The following DICER1 variants were observed in gnomAD, a reference collection of about 807,000 sequenced individuals.
DICER1 encodes the protein endoribonuclease Dicer.
A neutral mutation model predicts 194.1 loss-of-function variants in DICER1; 43 were observed. That is an observed-to-expected ratio of 0.22 (90% CI 0.17 to 0.29). The LOEUF (loss-of-function observed/expected upper bound fraction) is 0.29. Among genes scored for constraint, DICER1 ranks in the 10% least tolerant of loss-of-function variants. The probability of loss-of-function intolerance (pLI) is 1.00; values close to 1 mark genes in which losing one functional copy is unlikely to be tolerated. For synonymous variants in DICER1, 832 were observed against 820.5 expected (o/e 1.01, Z -0.24); for missense variants, 1,608 against 2,317.0 (o/e 0.69, Z 6.28).
chr14:95,103,829 A>C lies in DICER1; in HGVS notation c.3567T>G (p.Tyr1189Ter). Residue 1189 changes from tyrosine to a stop codon, truncating the protein, a stop_gained, in exon 21 of 27, where the codon TAT becomes TAG. Coordinates refer to ENST00000343455, the MANE Select transcript of DICER1 (RefSeq NM_177438.3). LOFTEE classifies it high-confidence loss of function. The part of the protein sequence containing the change: ...SYNQNLANGS[Y>*]DLANRDFCQG... The stretch of plus-strand genomic sequence containing the variant: ...GGCAAAAGTCTCTGTTAGCTAAATC[A>C]TAACTGCCATTGGCGAGATTTTGAT... 1 of 1,614,226 alleles carries C rather than the reference A, an allele frequency of 6.2e-7. No homozygotes were observed.
rs754431682 is a variant in DICER1 at position 95,099,760 on chromosome 14, AC to A, written c.4206+19del. ...CACACACACACACACACACACACAC[AC>A]ACACACACACAAACTTACCATTTCA... On this transcript the variant is annotated intron_variant, in intron 22 of 26. Transcript: ENST00000343455. 4.6e-3 allele frequency: 7,352 copies of A among 1,584,618 alleles called. 106 individuals carry two copies. Among genetic ancestry groups the A allele is most frequent in the African/African-American group, 0.046 (3,258 of 70,766 alleles).
chr14:95,115,089 C>T lies in DICER1; in HGVS notation c.1907+578G>A, dbSNP rs145126432. Among the ~76,000 whole-genome samples, 5 of 152,054 alleles carry T rather than the reference C, an allele frequency of 3.3e-5. No individual in the cohort carries two copies. The East Asian group carries it at 5.8e-4, about 18-fold the overall frequency. ...TTGGTGTCTGGGTGAAAGGCATATGCGGAATTCTAGTATTCTTACAACACT... is the reference window on the plus strand; with the variant it reads ...TTGGTGTCTGGGTGAAAGGCATATGTGGAATTCTAGTATTCTTACAACACT... On this transcript the variant is annotated intron_variant, in intron 11 of 26. Transcript: ENST00000343455.
Position 95,088,665 on chromosome 14 carries a change from A to T in DICER1, c.*1833T>A, listed in dbSNP as rs1889530368. On this transcript the variant is annotated 3_prime_UTR_variant, in exon 27 of 27. Transcript: ENST00000343455. ...CTCAAAAACTCGTTTAATAATTTAG[A>T]TCTCAATTTAAGTTTAAGATTGGAG... The T allele has an allele frequency of 1.3e-5, 3 of 232,660 alleles. No homozygotes were observed. The South Asian group carries it at 5.4e-4, about 42-fold the overall frequency. The allele number at this position is 232,660 out of a possible 1,614,324, so 14.4% of individuals were successfully genotyped here. A position where few individuals can be genotyped will look rare whatever the true frequency, so the allele number is the denominator to read the frequency against.
At chr14:95,155,247 G>C (rs552626124) in intron 1 of DICER1, among the ~76,000 whole-genome samples, 73 of 152,204 alleles carry the variant, frequency 4.8e-4, no homozygotes, top group African/African-American at 1.7e-3. Flanking sequence ...TCAATAACAC[G>C]TTTCCCTTAT....
At chr14:95,123,724 T>A (rs1206070274) in intron 8 of DICER1, among the ~76,000 whole-genome samples, 1 of 152,102 alleles carries the variant, frequency 6.6e-6, no homozygotes, top group African/African-American at 2.4e-5. Context: ...AAAAGTTGAA[T>A]CCATATTTTT....
At chr14:95,153,443 T>C (rs1365445899) in intron 1 of DICER1, among the ~76,000 whole-genome samples, 1 of 152,258 alleles carries the variant, frequency 6.6e-6, no homozygotes, top group Non-Finnish European at 1.5e-5. Context: ...GAGGCTTTTA[T>C]CCAGTTTCTC....
chr14:95,106,331 T>C, intron 17 of DICER1, 108 bp from the exon 18 acceptor site: 1 of 863,868 alleles, frequency 1.2e-6, no homozygotes, highest in Non-Finnish European at 1.9e-6. Context: ...ATTCAAAAGA[T>C]TAAAAATAAG....
Position 95,086,233 on chromosome 14 carries a change from A to G in DICER1, c.*4265T>C, listed in dbSNP as rs185087846. ...AAAGATGAAAGGACACAAAGTGAAC[A>G]GACGATAACTTTATTGGAGATTTAC... On this transcript the variant is annotated 3_prime_UTR_variant, in exon 27 of 27. Coordinates refer to ENST00000343455, the MANE Select transcript of DICER1 (RefSeq NM_177438.3). 1 of 232,092 alleles carries G rather than the reference A, an allele frequency of 4.3e-6. No homozygotes were observed. The highest frequency in any genetic ancestry group is 2.2e-5 in the African/African-American group (1 of 45,414). 14.4% of individuals were successfully genotyped at this position (232,092 alleles called of 1,614,324 possible). A position where few individuals can be genotyped will look rare whatever the true frequency, so the allele number is the denominator to read the frequency against.
chr14:95,156,555 C>T (rs543493323), intron 1 of DICER1, among the ~76,000 whole-genome samples: 1 of 152,242 alleles, frequency 6.6e-6, no homozygotes, highest in Non-Finnish European at 1.5e-5. Flanking sequence ...CTACAGAAAT[C>T]TGATGTGCTA....
rs1060504968 is a variant in DICER1 at position 95,104,000 on chromosome 14, A to G, written c.3396T>C (p.Ala1132=). 6.2e-7 allele frequency: 1 copy of G among 1,614,218 alleles called. No homozygotes were observed. The change falls in exon 21 of 27, where the codon GCT becomes GCC. Residue 1132 remains alanine (A), a synonymous_variant. Transcript: ENST00000343455. ...CKHSTIVPEN[A]AHQGANRTSS... is the part of the protein sequence containing the mutation. The stretch of plus-strand genomic sequence containing the variant: ...AGGTTCTATTAGCACCTTGATGTGC[A>G]GCATTTTCAGGGACAATTGTGCTGT...
At position 95,105,808 on chromosome 14, in the gene DICER1, A is replaced by G; in HGVS notation, c.2988-25T>C. 1.3e-6 allele frequency: 2 copies of G among 1,589,748 alleles called. No homozygotes were observed. The highest frequency in any genetic ancestry group is 1.7e-6 in the Non-Finnish European group (2 of 1,157,996). On this transcript the variant is annotated intron_variant, in intron 18 of 26. Coordinates refer to ENST00000343455, the MANE Select transcript of DICER1 (RefSeq NM_177438.3). The surrounding 1 kb of genome is among the most constrained non-coding windows in gnomAD (Gnocchi z 4.9). ...TCTGTAAGAATTCCAAAACAATTTT[A>G]TCAAACACACAAAAATGAGTACATA...
In DICER1 at chr14:95,087,211, G is replaced by A. The variant is rs1007550157; in HGVS notation, c.*3287C>T. The A allele has an allele frequency of 1.7e-5, 4 of 233,156 alleles. No individual in the cohort carries two copies. The highest frequency in any genetic ancestry group is 3.4e-5 in the Non-Finnish European group (4 of 117,840). 14.4% of individuals were successfully genotyped at this position (233,156 alleles called of 1,614,324 possible). A position where few individuals can be genotyped will look rare whatever the true frequency, so the allele number is the denominator to read the frequency against. On this transcript the variant is annotated 3_prime_UTR_variant, in exon 27 of 27. Coordinates refer to ENST00000343455, the MANE Select transcript of DICER1 (RefSeq NM_177438.3). ...CAGCCTCAAGTTTCATGTTGTCAAGGCAGGGTATCAGAATCTTTCTGAGGG... is the reference window on the plus strand; with the variant it reads ...CAGCCTCAAGTTTCATGTTGTCAAGACAGGGTATCAGAATCTTTCTGAGGG...
At chr14:95,092,148 G>A (rs967178966) in intron 24 of DICER1, among the ~76,000 whole-genome samples, 6 of 152,156 alleles carry the variant, frequency 3.9e-5, no homozygotes, top group East Asian at 1.9e-4. Flanking sequence ...GTTGACTAGC[G>A]TGTGGCCCCT....
intron 24 of DICER1, 23 bp downstream of exon 24, chr14:95,093,865 A>G: frequency 6.2e-7 from 1 of 1,613,892 alleles, no homozygotes; most frequent in Non-Finnish European, 8.5e-7. Context: ...ACTTTTTTCA[A>G]CATCGTTTTG....
intron 1 of DICER1, among the ~76,000 whole-genome samples, chr14:95,145,755 T>G (rs1895088617): frequency 6.6e-6 from 1 of 152,166 alleles, no homozygotes; most frequent in Non-Finnish European, 1.5e-5. Context: ...ACTATTTATA[T>G]TTTTACTTTT....
At chr14:95,112,361 CAAAATTCTTTATTTTG>C in intron 12 of DICER1, 114 bp from the exon 13 acceptor site, 1 of 852,030 alleles carries the variant, frequency 1.2e-6, no homozygotes. Flanking sequence ...TTTACCAAAA[CAAAATTCTTTATTTTG>C]AAAAATTCCA....
At chr14:95,128,482 A>G (rs1026980247) in intron 6 of DICER1, among the ~76,000 whole-genome samples, 1 of 152,208 alleles carries the variant, frequency 6.6e-6, no homozygotes, top group Admixed American at 6.5e-5. Flanking sequence ...TATATTTCAC[A>G]TGGCATTTGG....
intron 10 of DICER1, among the ~76,000 whole-genome samples, chr14:95,116,127 C>A (rs1287441811): frequency 6.6e-6 from 1 of 151,992 alleles, no homozygotes; most frequent in African/African-American, 2.4e-5. Flanking sequence ...ACCATGTCAT[C>A]ATTTTCCAAT....
chr14:95,117,093 A>G (rs1892540320), intron 9 of DICER1, among the ~76,000 whole-genome samples: 1 of 152,210 alleles, frequency 6.6e-6, no homozygotes, highest in Non-Finnish European at 1.5e-5. Flanking sequence ...TTTGTGTACA[A>G]GCCAGACCAT....
Sources: allele counts gnomAD v4.1 joint callset (sites outside exome capture counted in the v4.1 genomes callset), GRCh38; gene constraint gnomAD v4.1.1; non-coding constraint Gnocchi (gnomAD v3.1); transcripts MANE v1.5; gene names NCBI Gene and HGNC (gene_info 2026-07-23, HGNC 2026-07-21).